The following DACH2 variants were observed in gnomAD, a reference collection of about 807,000 sequenced individuals.
The protein encoded by DACH2 is dachshund homolog 2.
Under a neutral mutation model 35.8 loss-of-function variants are expected in DACH2, and 17 were observed. The observed-to-expected ratio is 0.48, with a 90% CI of 0.33 to 0.71. The LOEUF is 0.71. DACH2 is among the 30% of genes least tolerant of loss of function. The probability of loss-of-function intolerance (pLI) is 0.02; values close to 1 mark genes in which losing one functional copy is unlikely to be tolerated. For synonymous variants in DACH2, 195 were observed against 177.3 expected (o/e 1.10, Z -0.79); for missense variants, 469 against 472.7 (o/e 0.99, Z 0.07).
chrX:86,530,513 C>G (rs1442710853), intron 3 of DACH2, among the ~76,000 whole-genome samples: 1 of 111,660 alleles, frequency 9.0e-6, no homozygotes, highest in African/African-American at 3.3e-5. Flanking sequence ...CTCTCTTTCT[C>G]TCCTGCCATG....
intron 6 of DACH2, among the ~76,000 whole-genome samples, chrX:86,733,013 G>A (rs1357574300): frequency 9.0e-6 from 1 of 111,212 alleles, no homozygotes; most frequent in African/African-American, 3.3e-5. Flanking sequence ...CTGGAGAAGG[G>A]TGCCCAATTT....
chrX:86,399,492 T>G (rs1234844141), intron 2 of DACH2, among the ~76,000 whole-genome samples: 1 of 112,045 alleles, frequency 8.9e-6, no homozygotes, highest in African/African-American at 3.3e-5. Context: ...GTCTTTACAA[T>G]TTGGCATGTT....
At chrX:86,412,642 C>T (rs1167737361) in intron 2 of DACH2, among the ~76,000 whole-genome samples, 1 of 111,772 alleles carries the variant, frequency 8.9e-6, no homozygotes, top group Non-Finnish European at 1.9e-5. Flanking sequence ...GTGGATAAGG[C>T]ATTCCATGAG....
At chrX:86,487,940 C>A (rs1377003134) in intron 2 of DACH2, among the ~76,000 whole-genome samples, 1 of 111,403 alleles carries the variant, frequency 9.0e-6, no homozygotes, top group Non-Finnish European at 1.9e-5. Context: ...GTGACATTAG[C>A]TGTGTTATCT....
At chrX:86,618,473 T>C (rs183899455) in intron 3 of DACH2, among the ~76,000 whole-genome samples, 5 of 111,847 alleles carry the variant, frequency 4.5e-5, no homozygotes, top group African/African-American at 1.6e-4. Context: ...GATAAATGTA[T>C]CATACATAGT....
At chrX:86,624,392 A>G (rs899011811) in intron 3 of DACH2, among the ~76,000 whole-genome samples, 1 of 112,239 alleles carries the variant, frequency 8.9e-6, no homozygotes, top group South Asian at 3.7e-4. Context: ...CACATAAACT[A>G]TACTAAGATT....
chrX:86,477,032 T>A (rs916463984), intron 2 of DACH2, among the ~76,000 whole-genome samples: 2 of 110,598 alleles, frequency 1.8e-5, no homozygotes, highest in Admixed American at 1.9e-4. Flanking sequence ...ATTTGAATTT[T>A]TTGAATATTT....
At chrX:86,814,357 A>G in intron 9 of DACH2, among the ~76,000 whole-genome samples, 1 of 112,295 alleles carries the variant, frequency 8.9e-6, no homozygotes, top group South Asian at 3.6e-4. Context: ...CAAAATGTTT[A>G]AAGAATCATT....
At chrX:86,685,975 G>A (rs114806523) in intron 4 of DACH2, among the ~76,000 whole-genome samples, 5,677 of 111,076 alleles carry the variant, frequency 0.051, 358 homozygotes, top group African/African-American at 0.18. Context: ...TTACTGCGAA[G>A]TGACTTGATA....
At chrX:86,434,334 A>G (rs1247372785) in intron 2 of DACH2, among the ~76,000 whole-genome samples, 1 of 111,680 alleles carries the variant, frequency 9.0e-6, no homozygotes, top group Non-Finnish European at 1.9e-5. Context: ...GTTGCAAACA[A>G]TCTAATTATA....
chrX:86,641,321 A>T lies in DACH2; in HGVS notation c.641-9715A>T, dbSNP rs188515773. ...ATTTCACAATGCAGTCACAAGTGTC[A>T]GCAGCAGAATAAACCAAGTTGATAA... On this transcript the variant is annotated intron_variant, in intron 3 of 11. Coordinates refer to ENST00000373125, the MANE Select transcript of DACH2 (RefSeq NM_053281.3). 4.5e-5 allele frequency among the ~76,000 whole-genome samples: 5 copies of T among 112,298 alleles called. No homozygotes were observed. In the Admixed American group the frequency reaches 4.7e-4, roughly 11 times the overall value.
chrX:86,454,821 G>A (rs2037445375), intron 2 of DACH2, among the ~76,000 whole-genome samples: 1 of 111,937 alleles, frequency 8.9e-6, no homozygotes, highest in Non-Finnish European at 1.9e-5. Context: ...TTGCTGGACA[G>A]GTGTTACAGT....
chrX:86,815,451 C>A (rs1220212221), intron 10 of DACH2, among the ~76,000 whole-genome samples: 2 of 109,652 alleles, frequency 1.8e-5, no homozygotes, highest in Non-Finnish European at 3.8e-5. Flanking sequence ...ACAAACAGAA[C>A]CTTTTTACAT....
At chrX:86,495,488 G>C (rs1251254612) in intron 2 of DACH2, among the ~76,000 whole-genome samples, 1 of 110,145 alleles carries the variant, frequency 9.1e-6, no homozygotes, top group Non-Finnish European at 1.9e-5. Context: ...GGTCAGCAAA[G>C]CTATGGACTC....
At chrX:86,485,235 A>G (rs1011402825) in intron 2 of DACH2, among the ~76,000 whole-genome samples, 2 of 112,011 alleles carry the variant, frequency 1.8e-5, no homozygotes, top group African/African-American at 6.5e-5. Context: ...AGATCCACTT[A>G]AAGTTTGCTG....
At chrX:86,733,121 T>A (rs912644797) in intron 6 of DACH2, among the ~76,000 whole-genome samples, 1 of 111,879 alleles carries the variant, frequency 8.9e-6, no homozygotes, top group African/African-American at 3.2e-5. Flanking sequence ...GCACCTACAA[T>A]GCATATGAAA....
intron 1 of DACH2, among the ~76,000 whole-genome samples, chrX:86,327,313 C>T (rs1351029593): frequency 8.9e-6 from 1 of 111,808 alleles, no homozygotes; most frequent in East Asian, 2.8e-4. Context: ...TCATTACTTG[C>T]AGATTCTGGT....
At chrX:86,408,030 T>A (rs1330856553) in intron 2 of DACH2, among the ~76,000 whole-genome samples, 2 of 111,097 alleles carry the variant, frequency 1.8e-5, no homozygotes, top group Non-Finnish European at 3.8e-5. Flanking sequence ...TTTGACTGAA[T>A]GTACAGTGCC....
chrX:86,733,001 G>T (rs912856936), intron 6 of DACH2, among the ~76,000 whole-genome samples: 2 of 111,236 alleles, frequency 1.8e-5, no homozygotes, highest in African/African-American at 6.5e-5. Flanking sequence ...GCCTGATGGG[G>T]GCTGGAGAAG....
Sources: gnomAD v4.1 joint callset for allele counts (sites outside exome capture counted in the v4.1 genomes callset) on GRCh38, gnomAD v4.1.1 for gene constraint, MANE v1.5 for transcripts, NCBI Gene and HGNC (gene_info 2026-07-23, HGNC 2026-07-21) for gene names.